Variants in PIEZO1 observed in about 807,000 individuals in gnomAD.
The protein encoded by PIEZO1 is piezo type mechanosensitive ion channel component 1 (Er blood group), also known as piezo-type mechanosensitive ion channel component 1.
In PIEZO1, 296 loss-of-function variants were observed where a neutral mutation model predicts 297.2. The observed-to-expected ratio is 1.00, with a 90% CI of 0.91 to 1.10. The LOEUF is 1.10. PIEZO1 is among the 50% of genes least tolerant of loss of function. PIEZO1 has a pLI of 0.00. For missense variants in PIEZO1, 5,018 were observed against 3,455.5 expected (o/e 1.45, Z -11.34); for synonymous variants, 2,427 against 1,507.5 (o/e 1.61, Z -14.13).
chr16:88,757,032 G>C (rs1355278682), intron 1 of PIEZO1, among the ~76,000 whole-genome samples: 8 of 151,138 alleles, frequency 5.3e-5, no homozygotes, highest in East Asian at 2.0e-4. Context: ...GCCGAGATCA[G>C]GACACTGCAC....
At chr16:88,753,238 GCC>G (rs1230301473) in intron 1 of PIEZO1, among the ~76,000 whole-genome samples, 1 of 34,074 alleles carries the variant, frequency 2.9e-5, no homozygotes, top group African/African-American at 1.3e-4. Context: ...GAGCACACCA[GCC>G]CCCCCAGAGC....
At position 88,719,712 on chromosome 16, in the gene PIEZO1, C is replaced by A; in HGVS notation, c.6333G>T (p.Leu2111=). 2.6e-6 allele frequency: 4 copies of A among 1,551,270 alleles called. No individual in the cohort carries two copies. The highest frequency in any genetic ancestry group is 3.5e-6 in the Non-Finnish European group (4 of 1,147,410). Residue 2111 remains leucine (L), a synonymous_variant, in exon 44 of 51, where the codon CTG becomes CTT. Coordinates refer to ENST00000301015, the MANE Select transcript of PIEZO1 (RefSeq NM_001142864.4). The part of the protein sequence containing the change: ...LNLFLFQGFR[L]VPFLVELRAV... ...CCCGCAGCTCCACCAGGAACGGCAC[C>A]AGCCGGAACCTGCCCACAGCCAGGG...
intron 1 of PIEZO1, among the ~76,000 whole-genome samples, chr16:88,777,481 G>A (rs1464989138): frequency 6.6e-6 from 1 of 151,940 alleles, no homozygotes; most frequent in Non-Finnish European, 1.5e-5. Context: ...ACACATTGCG[G>A]GGTCCTCATT....
intron 2 of PIEZO1, among the ~76,000 whole-genome samples, chr16:88,746,159 G>T (rs761661306): frequency 2.1e-4 from 32 of 152,224 alleles, no homozygotes; most frequent in Non-Finnish European, 4.6e-4. Context: ...AGCTAGGGCT[G>T]AGCTGCGGGG....
In PIEZO1 at chr16:88,732,470, G is replaced by A. The variant is rs1279915445; in HGVS notation, c.2856C>T (p.Tyr952=). 1 of 1,549,356 alleles carries A rather than the reference G, an allele frequency of 6.5e-7. No individual in the cohort carries two copies. Among genetic ancestry groups the A allele is most frequent in the East Asian group, 2.4e-5 (1 of 40,908 alleles). ...EAIVYRRQEH[Y]RRQHQLAPLP... The stretch of plus-strand genomic sequence containing the variant: ...GCGGGGCCAGCTGGTGCTGCCGGCG[G>A]TAGTGCTCCTGGCGCCGGTACACGA... The change falls in exon 21 of 51, where the codon TAC becomes TAT. Residue 952 remains tyrosine (Y), a synonymous_variant. Transcript: ENST00000301015.
intron 1 of PIEZO1, among the ~76,000 whole-genome samples, chr16:88,765,943 G>A (rs1280695682): frequency 1.3e-5 from 2 of 152,116 alleles, no homozygotes; most frequent in Non-Finnish European, 2.9e-5. Flanking sequence ...CAAGGTGCTG[G>A]GGATACAGGT....
At position 88,720,771 on chromosome 16, in the gene PIEZO1, G is replaced by A. The variant is rs924435085; in HGVS notation, c.5669-23C>T. ...CTTCTGTAGGGAAAAGCTGACTTCT[G>A]CCTGGGCCCCCTGGGGACTGGGCCT... On this transcript the variant is annotated intron_variant, in intron 39 of 50. Transcript: ENST00000301015. The A allele has an allele frequency of 1.5e-5, 22 of 1,463,748 alleles. No homozygotes were observed. The African/African-American group carries it at 2.1e-4, about 14-fold the overall frequency. 90.7% of individuals were successfully genotyped at this position (1,463,748 alleles called of 1,614,324 possible).
chr16:88,721,797 C>A lies in PIEZO1; in HGVS notation c.5214+11G>T. ...GGGCCGGGCGCCCCCTCCCCCGCGG[C>A]CTCGGCCCACCTCGGTGAAGACGAT... On this transcript the variant is annotated intron_variant, in intron 37 of 50. Coordinates refer to ENST00000301015, the MANE Select transcript of PIEZO1 (RefSeq NM_001142864.4). 1 of 1,539,348 alleles carries A rather than the reference C, an allele frequency of 6.5e-7. No individual in the cohort carries two copies. Among genetic ancestry groups the A allele is most frequent in the South Asian group, 1.2e-5 (1 of 83,450 alleles).
chr16:88,784,941 C>G lies in PIEZO1; in HGVS notation c.24G>C (p.Ala8=), dbSNP rs1297469904. 42 of 1,396,288 alleles carry G rather than the reference C, an allele frequency of 3.0e-5. No individual in the cohort carries two copies. In the East Asian group the frequency reaches 1.2e-3, roughly 38 times the overall value. 86.5% of individuals were successfully genotyped at this position (1,396,288 alleles called of 1,614,324 possible). The change falls in exon 1 of 51, where the codon GCG becomes GCC. Residue 8 remains alanine, a synonymous_variant. Transcript: ENST00000301015. MEPHVLG[A]VLYWLLLPCA... ...AGGGCAGCAGCAGCCAGTACAGGAC[C>G]GCGCCGAGCACGTGCGGCTCCATGG...
intron 23 of PIEZO1, 136 bp downstream of exon 23, chr16:88,727,421 C>A: frequency 3.1e-6 from 2 of 642,552 alleles, no homozygotes; most frequent in South Asian, 3.9e-5. Flanking sequence ...CGTGCGAGGT[C>A]AGGGCCTGCA....
chr16:88,716,647 T>G lies in PIEZO1; in HGVS notation c.6838A>C (p.Ile2280Leu). The change falls in exon 47 of 51, where the codon ATC becomes CTC. Residue 2280 changes from isoleucine (I) to leucine (L), a missense_variant. Ile to Leu is a conservative substitution (Grantham distance 5). Transcript: ENST00000301015. The part of the protein sequence containing the change: ...IEGSSGALWR[I>L]SPPSRAQMKR... ...ATCTGGGCACGGCTGGGGGGACTGA[T>G]GCGCCACAGCGCCCCGGAGCTGCCC... The G allele has an allele frequency of 6.5e-7, 1 of 1,549,656 alleles. No homozygotes were observed. Among genetic ancestry groups the G allele is most frequent in the South Asian group, 1.2e-5 (1 of 84,052 alleles).
intron 1 of PIEZO1, among the ~76,000 whole-genome samples, chr16:88,769,806 C>T (rs1304736405): frequency 6.6e-6 from 1 of 152,184 alleles, no homozygotes; most frequent in Non-Finnish European, 1.5e-5. Context: ...GTGGGCGGGG[C>T]CAGGACGAGC....
Position 88,720,070 on chromosome 16 carries a change from T to C in PIEZO1, c.6163A>G (p.Arg2055Gly). ...GAGCGCCCCCACGCGTGGGCCCACC[T>C]CTCAGTGACGGCGGGCAGGATGAAG... ...MFFILPAVTE[R>G]MFNQNVVAQL... Residue 2055 changes from arginine to glycine, a missense_variant and splice_region_variant, in exon 42 of 51, where the codon AGG (arginine) becomes GGG (glycine). Physicochemically the swap from Arg to Gly is moderately radical, Grantham distance 125. Coordinates refer to ENST00000301015, the MANE Select transcript of PIEZO1 (RefSeq NM_001142864.4). The C allele has an allele frequency of 6.5e-7, 1 of 1,550,122 alleles. No homozygotes were observed. Among genetic ancestry groups the C allele is most frequent in the Non-Finnish European group, 8.7e-7 (1 of 1,146,814 alleles).
At position 88,736,362 on chromosome 16, in the gene PIEZO1, A is replaced by G. The variant is rs1015520441; in HGVS notation, c.1343T>C (p.Leu448Pro). The G allele has an allele frequency of 1.9e-6, 3 of 1,549,858 alleles. No individual in the cohort carries two copies. Among genetic ancestry groups the G allele is most frequent in the Non-Finnish European group, 2.6e-6 (3 of 1,146,814 alleles). ...YHSWLTFVLL[L>P]WACLIWTVRS... ...CACCGTCCAGATGAGGCAGGCCCAG[A>G]GCAGCAGTACGAAGGTCAGCCAGCT... Residue 448 changes from leucine (L) to proline (P), a missense_variant, in exon 12 of 51, where the codon CTC becomes CCC. Coordinates refer to ENST00000301015, the MANE Select transcript of PIEZO1 (RefSeq NM_001142864.4).
At position 88,727,059 on chromosome 16, in the gene PIEZO1, C is replaced by T. The variant is rs1027054301; in HGVS notation, c.3435G>A (p.Val1145=). The change falls in exon 24 of 51, where the codon GTG becomes GTA. Residue 1145 remains valine, a synonymous_variant. Coordinates refer to ENST00000301015, the MANE Select transcript of PIEZO1 (RefSeq NM_001142864.4). ...LEPLRGEPNP[V]PNFIHCRSYL... ...CCCACCTGCAGTGGATAAAGTTGGG[C>T]ACGGGGTTGGGCTCCCCCCGCAGCG... The T allele has an allele frequency of 1.9e-6, 3 of 1,548,938 alleles. No homozygotes were observed. The highest frequency in any genetic ancestry group is 2.7e-5 in the African/African-American group (2 of 73,024).
rs959707445 is a variant in PIEZO1, at chr16:88,757,328, G to A, written c.65-7849C>T. On this transcript the variant is annotated intron_variant, in intron 1 of 50. Transcript: ENST00000301015. ...CAGGGGGCGTTGCTGGCGGGGGGGT[G>A]GGGGGTAGTTACCTAACCTGCCTGC... Among the ~76,000 whole-genome samples, 16 of 49,596 alleles carry A rather than the reference G, an allele frequency of 3.2e-4. 1 individual carries two copies. Among genetic ancestry groups the A allele is most frequent in the South Asian group, 1.0e-3 (1 of 978 alleles). 32.5% of individuals were successfully genotyped at this position (49,596 alleles called of 152,430 possible).
At chr16:88,753,667 C>T (rs1906511671) in intron 1 of PIEZO1, among the ~76,000 whole-genome samples, 1 of 152,188 alleles carries the variant, frequency 6.6e-6, no homozygotes, top group African/African-American at 2.4e-5. Context: ...GGCCGCAGGG[C>T]CACGGCTTTT....
At chr16:88,716,976 G>C (rs1912090903) in intron 45 of PIEZO1, 47 bp downstream of exon 45, 3 of 1,547,326 alleles carry the variant, frequency 1.9e-6, no homozygotes, top group Non-Finnish European at 2.6e-6. Flanking sequence ...ACCTTGGCCA[G>C]AACCCCCAGG....
intron 44 of PIEZO1, chr16:88,717,582 A>C (rs199723175): frequency 2.1e-6 from 1 of 473,942 alleles, no homozygotes; most frequent in Non-Finnish European, 4.2e-6. Flanking sequence ...AAACTATAGA[A>C]CTTTTAGAAG....
Sources: allele counts gnomAD v4.1 joint callset (sites outside exome capture counted in the v4.1 genomes callset), GRCh38; gene constraint gnomAD v4.1.1; transcripts MANE v1.5; gene names NCBI Gene and HGNC (gene_info 2026-07-23, HGNC 2026-07-21).